Variants in CLYBL observed in about 807,000 individuals in gnomAD.
CLYBL encodes citramalyl-CoA lyase, also known as citramalyl-CoA lyase, mitochondrial.
Under a neutral mutation model 38.9 loss-of-function variants are expected in CLYBL, and 31 were observed. That is an observed-to-expected ratio of 0.80 (90% CI 0.60 to 1.08). The LOEUF (loss-of-function observed/expected upper bound fraction) is 1.08, where lower values mean the gene tolerates loss of function less well. Ranked by LOEUF, CLYBL falls within the 50% of genes least tolerant of loss-of-function variation. CLYBL has a pLI of 0.00. For synonymous variants in CLYBL, 171 were observed against 158.6 expected, an observed-to-expected ratio of 1.08 and a Z score of -0.59; for missense variants, 434 against 411.6, an observed-to-expected ratio of 1.05 and a Z score of -0.47.
chr13:99,625,825 G>A (rs1186404956), intron 1 of CLYBL, among the ~76,000 whole-genome samples: 2 of 152,200 alleles, frequency 1.3e-5, no homozygotes, highest in East Asian at 1.9e-4. Flanking sequence ...CCCAGGCTCC[G>A]AGCATTACTG....
At chr13:99,768,529 A>T (rs9554635) in intron 1 of CLYBL, among the ~76,000 whole-genome samples, 1,799 of 5,282 alleles carry the variant, frequency 0.34, 278 homozygotes, top group Middle Eastern at 0.42. Flanking sequence ...TTTTTTTTTT[A>T]AAGACAGAAT....
chr13:99,850,315 A>G (rs554153193), intron 2 of CLYBL, among the ~76,000 whole-genome samples: 2 of 152,352 alleles, frequency 1.3e-5, no homozygotes, highest in South Asian at 4.1e-4. Context: ...TCAACAACAA[A>G]AAGACAAACA....
intron 1 of CLYBL, among the ~76,000 whole-genome samples, chr13:99,623,884 G>T (rs1399219484): frequency 2.0e-5 from 3 of 151,680 alleles, no homozygotes; most frequent in Non-Finnish European, 2.9e-5. Context: ...GCTTTAACCT[G>T]GGAGGTGAAG....
intron 1 of CLYBL, among the ~76,000 whole-genome samples, chr13:99,692,533 C>T (rs2047922770): frequency 6.6e-6 from 1 of 152,040 alleles, no homozygotes; most frequent in African/African-American, 2.4e-5. Context: ...ACCTTATGAT[C>T]CACCCGCCTC....
chr13:99,785,601 CA>C (rs1436681888), intron 2 of CLYBL, among the ~76,000 whole-genome samples: 1 of 123,796 alleles, frequency 8.1e-6, no homozygotes, highest in African/African-American at 2.9e-5. Context: ...CTAAATAATA[CA>C]TTTTTTTTTT....
intron 2 of CLYBL, among the ~76,000 whole-genome samples, chr13:99,831,759 G>GA (rs1272979514): frequency 6.9e-6 from 1 of 145,780 alleles, no homozygotes; most frequent in Admixed American, 6.9e-5. Flanking sequence ...CACGCTACCA[G>GA]AAAAAAAGGG....
intron 1 of CLYBL, among the ~76,000 whole-genome samples, chr13:99,724,753 A>C (rs1389278625): frequency 6.6e-6 from 1 of 152,170 alleles, no homozygotes; most frequent in Non-Finnish European, 1.5e-5. Context: ...TAAAGACATA[A>C]AAAGTTAGAG....
chr13:99,739,224 C>A (rs2048712558), intron 1 of CLYBL, among the ~76,000 whole-genome samples: 1 of 151,872 alleles, frequency 6.6e-6, no homozygotes, highest in Admixed American at 6.6e-5. Context: ...ACAGTCAAGC[C>A]CTTTAAAAGG....
chr13:99,857,441 A>G (rs2051488064), intron 2 of CLYBL, among the ~76,000 whole-genome samples: 1 of 152,248 alleles, frequency 6.6e-6, no homozygotes, highest in Non-Finnish European at 1.5e-5. Context: ...TGCTGGCTGC[A>G]TCATCTCTGA....
intron 1 of CLYBL, among the ~76,000 whole-genome samples, chr13:99,624,688 C>T (rs370386278): frequency 5.3e-5 from 8 of 152,148 alleles, no homozygotes; most frequent in Non-Finnish European, 7.4e-5. Context: ...GAGATATCCC[C>T]GGGAGAGCTT....
Position 99,733,774 on chromosome 13 carries a change from G to A in CLYBL, c.63-39050G>A, listed in dbSNP as rs372681568. 9.2e-5 allele frequency among the ~76,000 whole-genome samples: 14 copies of A among 152,310 alleles called. No individual in the cohort carries two copies. The South Asian group carries it at 2.5e-3, about 27-fold the overall frequency. ...GAGTTTAATTCACAATGGCAAGGACGCTTCACCTAGAATATCTGTCCATGT... is the reference window on the plus strand; with the variant it reads ...GAGTTTAATTCACAATGGCAAGGACACTTCACCTAGAATATCTGTCCATGT... On this transcript the variant is annotated intron_variant, in intron 1 of 8. Coordinates refer to ENST00000339105, the MANE Select transcript of CLYBL (RefSeq NM_206808.5).
intron 1 of CLYBL, among the ~76,000 whole-genome samples, chr13:99,631,903 A>G (rs776479124): frequency 2.0e-5 from 3 of 152,168 alleles, no homozygotes; most frequent in Non-Finnish European, 4.4e-5. Context: ...ACCTGGCCAC[A>G]CACAAAGTAT....
chr13:99,876,510 C>T (rs868848833), intron 7 of CLYBL, among the ~76,000 whole-genome samples: 2 of 150,790 alleles, frequency 1.3e-5, no homozygotes, highest in Non-Finnish European at 1.5e-5. Flanking sequence ...ATTTATAACA[C>T]ACTCTTAAGG....
rs1157151040 is a variant in CLYBL at position 99,865,056 on chromosome 13, T to C, written c.634+145T>C. On this transcript the variant is annotated intron_variant, in intron 5 of 8. Transcript: ENST00000339105. This position sits in a 1 kb window ranked among gnomAD's most constrained non-coding sequence, Gnocchi z 4.7. ...ACAATGGTTTTTCATGACAATGGAA[T>C]GGACACTACTTCCTGATAATTTAGG... 2 of 696,818 alleles carry C rather than the reference T, an allele frequency of 2.9e-6. No homozygotes were observed. The highest frequency in any genetic ancestry group is 5.3e-6 in the Non-Finnish European group (2 of 374,118). 43.2% of individuals were successfully genotyped at this position (696,818 alleles called of 1,614,324 possible).
intron 2 of CLYBL, among the ~76,000 whole-genome samples, chr13:99,790,946 A>G (rs1489124331): frequency 6.6e-6 from 1 of 152,228 alleles, no homozygotes; most frequent in Non-Finnish European, 1.5e-5. Context: ...CTTCTGAAGC[A>G]TAGAAGCAAC....
At chr13:99,744,174 G>A (rs1241123325) in intron 1 of CLYBL, among the ~76,000 whole-genome samples, 2 of 151,862 alleles carry the variant, frequency 1.3e-5, no homozygotes, top group Non-Finnish European at 2.9e-5. Flanking sequence ...GGGTTTCACC[G>A]TGTTAGTCAG....
intron 2 of CLYBL, among the ~76,000 whole-genome samples, chr13:99,847,904 C>G (rs773580621): frequency 2.6e-5 from 4 of 152,184 alleles, no homozygotes; most frequent in Non-Finnish European, 4.4e-5. Flanking sequence ...GAGCGTCATT[C>G]CTTGTGTCTC....
intron 1 of CLYBL, among the ~76,000 whole-genome samples, chr13:99,611,378 A>AT (rs976906342): frequency 6.6e-6 from 1 of 151,662 alleles, no homozygotes; most frequent in African/African-American, 2.4e-5. Flanking sequence ...GAATTTATAA[A>AT]TTTTTTTTTG....
chr13:99,782,369 T>C (rs140644777), intron 2 of CLYBL, among the ~76,000 whole-genome samples: 1 of 152,010 alleles, frequency 6.6e-6, no homozygotes, highest in East Asian at 1.9e-4. Context: ...TAGCTGGGCG[T>C]GGTGGTGCGC....
Sources: allele counts gnomAD v4.1 joint callset (sites outside exome capture counted in the v4.1 genomes callset), GRCh38; gene constraint gnomAD v4.1.1; non-coding constraint Gnocchi (gnomAD v3.1); transcripts MANE v1.5; gene names NCBI Gene and HGNC (gene_info 2026-07-23, HGNC 2026-07-21).